Variants in PCDH9 observed in about 807,000 individuals in gnomAD.
PCDH9 encodes the protein protocadherin 9.
In PCDH9, 24 loss-of-function variants were observed where a neutral mutation model predicts 70.6. The ratio of observed to expected loss-of-function variants is 0.34; its 90% CI spans 0.25 to 0.48. The LOEUF is 0.48. Among genes scored for constraint, PCDH9 ranks in the 20% least tolerant of loss-of-function variants. The pLI, the probability that PCDH9 is intolerant of heterozygous loss-of-function variation, is 0.99. For missense variants in PCDH9, 1,281 were observed against 1,503.6 expected (o/e 0.85, Z 2.45); for synonymous variants, 562 against 558.5 (o/e 1.01, Z -0.09).
intron 3 of PCDH9, among the ~76,000 whole-genome samples, chr13:66,721,120 G>A (rs1234334804): frequency 2.0e-5 from 3 of 152,132 alleles, no homozygotes; most frequent in Non-Finnish European, 4.4e-5. Context: ...AGTTTCAAGT[G>A]CTTTTAATGA....
intron 3 of PCDH9, among the ~76,000 whole-genome samples, chr13:66,759,363 A>G (rs1370636028): frequency 6.6e-6 from 1 of 151,838 alleles, no homozygotes; most frequent in African/African-American, 2.4e-5. Context: ...CTTGACTTTC[A>G]GTGTGTGTAC....
intron 2 of PCDH9, among the ~76,000 whole-genome samples, chr13:66,999,819 A>G (rs2084201769): frequency 6.6e-6 from 1 of 152,200 alleles, no homozygotes; most frequent in Non-Finnish European, 1.5e-5. Context: ...CAATCATTAA[A>G]AAGTCAGGAA....
chr13:66,341,707 C>T (rs1956128718), intron 4 of PCDH9, among the ~76,000 whole-genome samples: 1 of 151,560 alleles, frequency 6.6e-6, no homozygotes, highest in Non-Finnish European at 1.5e-5. Context: ...ATAAGGTGTA[C>T]ACTTGCACTG....
intron 2 of PCDH9, among the ~76,000 whole-genome samples, chr13:67,045,544 C>CAAGAAACCAGA (rs368102670): frequency 6.6e-6 from 1 of 150,570 alleles, no homozygotes; most frequent in African/African-American, 2.4e-5. Context: ...TACCCAGAAA[C>CAAGAAACCAGA]AACAACAAGA....
At chr13:66,387,320 G>A (rs1266160617) in intron 4 of PCDH9, among the ~76,000 whole-genome samples, 4 of 151,956 alleles carry the variant, frequency 2.6e-5, no homozygotes, top group African/African-American at 7.2e-5. Flanking sequence ...ATTACAAAGA[G>A]CTTGTGCCTT....
chr13:67,058,799 G>A (rs2085473647), intron 2 of PCDH9, among the ~76,000 whole-genome samples: 1 of 152,096 alleles, frequency 6.6e-6, no homozygotes, highest in African/African-American at 2.4e-5. Flanking sequence ...GGCAAGGGAA[G>A]CCCATATCCT....
chr13:67,213,731 TTTTAAG>T (rs2089526153), intron 2 of PCDH9: 1 of 152,214 alleles, frequency 6.6e-6, no homozygotes, highest in Admixed American at 6.5e-5. Flanking sequence ...AGTATTTTAA[TTTTAAG>T]TTTGTTTTGT....
intron 2 of PCDH9, among the ~76,000 whole-genome samples, chr13:67,097,841 A>G (rs2086355048): frequency 6.6e-6 from 1 of 152,202 alleles, no homozygotes; most frequent in South Asian, 2.1e-4. Flanking sequence ...ATTACAAGAT[A>G]AAGACTTCAG....
chr13:66,533,749 A>G (rs903437942), intron 4 of PCDH9, among the ~76,000 whole-genome samples: 9 of 152,186 alleles, frequency 5.9e-5, no homozygotes, highest in Admixed American at 5.9e-4. Flanking sequence ...AAAATCTTAA[A>G]GATGCACACT....
intron 2 of PCDH9, among the ~76,000 whole-genome samples, chr13:67,048,527 C>T (rs1273554659): frequency 1.3e-5 from 2 of 152,076 alleles, no homozygotes; most frequent in Non-Finnish European, 2.9e-5. Flanking sequence ...GCATTTCCTC[C>T]CACACAGATG....
At chr13:66,455,847 A>G (rs2138439499) in intron 4 of PCDH9, among the ~76,000 whole-genome samples, 1 of 152,286 alleles carries the variant, frequency 6.6e-6, no homozygotes, top group South Asian at 2.1e-4. Context: ...TAAATTTTAT[A>G]TACTAAAGAA....
intron 4 of PCDH9, among the ~76,000 whole-genome samples, chr13:66,342,754 C>A (rs1036234119): frequency 2.6e-5 from 4 of 151,570 alleles, no homozygotes; most frequent in Admixed American, 6.6e-5. Context: ...GGATTACAGG[C>A]TCCCGCCACC....
rs1594373360 is a variant in PCDH9 at position 67,000,413 on chromosome 13, A to G, written c.3037-96808T>C. Among the ~76,000 whole-genome samples the G allele has an allele frequency of 2.6e-5, 4 of 151,750 alleles. No individual in the cohort carries two copies. In the South Asian group the frequency reaches 8.3e-4, roughly 31 times the overall value. ...GAGTTAATGGGTGCAGCACACCAGC[A>G]TGGCACATGTATACATATGTAACTA... On this transcript the variant is annotated intron_variant, in intron 2 of 4. Coordinates refer to ENST00000377865, the MANE Select transcript of PCDH9 (RefSeq NM_203487.3).
chr13:66,567,555 T>C (rs899412680), intron 4 of PCDH9, among the ~76,000 whole-genome samples: 13 of 152,198 alleles, frequency 8.5e-5, no homozygotes, highest in Admixed American at 7.2e-4. Context: ...ACAATGCAAA[T>C]GCATGATTCT....
chr13:67,219,870 A>G (rs575791724), intron 2 of PCDH9: 1 of 152,194 alleles, frequency 6.6e-6, no homozygotes, highest in South Asian at 2.1e-4. Flanking sequence ...ATTATCTTCA[A>G]GAAAACACCA....
At chr13:67,008,848 C>T (rs1049652037) in intron 2 of PCDH9, among the ~76,000 whole-genome samples, 5 of 152,044 alleles carry the variant, frequency 3.3e-5, no homozygotes, top group African/African-American at 1.2e-4. Flanking sequence ...CCACGGTGCA[C>T]CTAAACTCCT....
chr13:67,175,732 A>G (rs1021037280), intron 2 of PCDH9, among the ~76,000 whole-genome samples: 3 of 152,184 alleles, frequency 2.0e-5, no homozygotes, highest in African/African-American at 7.2e-5. Flanking sequence ...GATAGAATAT[A>G]GTTATTTCTG....
Position 66,304,745 on chromosome 13 carries a change from G to C in PCDH9, c.3624C>G (p.Gly1208=), listed in dbSNP as rs771994908. 3 of 1,613,046 alleles carry C rather than the reference G, an allele frequency of 1.9e-6. No homozygotes were observed. In the East Asian group the frequency reaches 6.7e-5, roughly 36 times the overall value. Residue 1208 remains glycine (G), a synonymous_variant, in exon 5 of 5, where the codon GGC becomes GGG. Transcript: ENST00000377865. ...CCAGAGGAATGTCTGTCATGTGGCT[G>C]CCATTGTTGAAATGGCCTTCATTGG... ...YGSNEGHFNN[G]SHMTDIPLAN...
At position 66,988,448 on chromosome 13, in the gene PCDH9, T is replaced by C. The variant is rs1000037341; in HGVS notation, c.3037-84843A>G. Among the ~76,000 whole-genome samples, 3 of 151,994 alleles carry C rather than the reference T, an allele frequency of 2.0e-5. No homozygotes were observed. The South Asian group carries it at 6.2e-4, about 31-fold the overall frequency. The stretch of plus-strand genomic sequence containing the variant: ...TATCCTCACTAAGCACAAAATAGCA[T>C]GTTTGTGAATTTTACATTCTAAGAG... On this transcript the variant is annotated intron_variant, in intron 2 of 4. Transcript: ENST00000377865.
Sources: allele counts gnomAD v4.1 joint callset (sites outside exome capture counted in the v4.1 genomes callset), GRCh38; gene constraint gnomAD v4.1.1; transcripts MANE v1.5; gene names NCBI Gene and HGNC (gene_info 2026-07-23, HGNC 2026-07-21).